Variants in NMU observed in about 807,000 individuals in gnomAD.
NMU encodes neuromedin U, also known as neuromedin-U.
In NMU, 29 loss-of-function variants were observed where a neutral mutation model predicts 35.4. The observed-to-expected ratio is 0.82, with a 90% CI of 0.61 to 1.12. The LOEUF (loss-of-function observed/expected upper bound fraction) is 1.12. NMU is among the 50% of genes most tolerant of loss of function. The pLI is 0.00. For synonymous variants in NMU, 78 were observed against 81.3 expected, an observed-to-expected ratio of 0.96 and a Z score of 0.22; for missense variants, 199 against 206.2, an observed-to-expected ratio of 0.97 and a Z score of 0.21.
intron 6 of NMU, 84 bp downstream of exon 6, chr4:55,607,214 G>T: frequency 3.2e-6 from 3 of 944,830 alleles, no homozygotes; most frequent in South Asian, 1.4e-5. Context: ...TTTGAATTCT[G>T]ATCTAGCTCT....
intron 2 of NMU, among the ~76,000 whole-genome samples, chr4:55,625,396 T>C (rs1486098790): frequency 7.2e-5 from 11 of 152,162 alleles, no homozygotes; most frequent in Non-Finnish European, 1.6e-4. Flanking sequence ...TACATTAATA[T>C]CTGTTATCTA....
rs1734138899 is a variant in NMU at position 55,617,138 on chromosome 4, A to G, written c.172-753T>C. ...TACTGATTCTTGTCTCTCTGGAATG[A>G]TAGAGGTTGAGTCCTATTCATGGTA... On this transcript the variant is annotated intron_variant, in intron 2 of 9. Transcript: ENST00000264218. Among the ~76,000 whole-genome samples, 7 of 152,132 alleles carry G rather than the reference A, an allele frequency of 4.6e-5. No homozygotes were observed. In the South Asian group the frequency reaches 1.5e-3, roughly 32 times the overall value.
At chr4:55,610,981 A>G (rs571513817) in intron 3 of NMU, among the ~76,000 whole-genome samples, 3 of 152,364 alleles carry the variant, frequency 2.0e-5, no homozygotes, top group African/African-American at 7.2e-5. Context: ...GAATGAGGAT[A>G]TAAAGAAAGA....
intron 9 of NMU, among the ~76,000 whole-genome samples, chr4:55,596,160 TTA>T (rs915315102): frequency 2.0e-5 from 3 of 152,156 alleles, no homozygotes; most frequent in Admixed American, 6.6e-5. Flanking sequence ...TCATTCTATT[TTA>T]TGTTTAACCA....
intron 2 of NMU, 33 bp downstream of exon 2, chr4:55,630,369 T>A (rs768220578): frequency 2.0e-6 from 3 of 1,522,448 alleles, no homozygotes. Flanking sequence ...AAGGGTAAAG[T>A]TTCTACAAAT....
intron 2 of NMU, among the ~76,000 whole-genome samples, chr4:55,626,480 G>C (rs1209891628): frequency 3.3e-5 from 5 of 152,186 alleles, no homozygotes; most frequent in African/African-American, 1.2e-4. Context: ...CAAGGTGGGC[G>C]GATCACTTGA....
chr4:55,618,884 CTT>C (rs775458324), intron 2 of NMU, among the ~76,000 whole-genome samples: 20 of 127,808 alleles, frequency 1.6e-4, no homozygotes, highest in Non-Finnish European at 2.0e-4. Flanking sequence ...TTCTCTCTTT[CTT>C]TTTTTTTTTT....
intron 1 of NMU, among the ~76,000 whole-genome samples, chr4:55,633,311 C>T (rs1478872409): frequency 2.1e-5 from 3 of 145,820 alleles, no homozygotes; most frequent in Admixed American, 1.4e-4. Flanking sequence ...GGCAACAGAT[C>T]GAGATTCTGT....
intron 2 of NMU, among the ~76,000 whole-genome samples, chr4:55,624,237 C>T: frequency 1.1e-5 from 1 of 90,674 alleles, no homozygotes; most frequent in East Asian, 4.1e-4. Flanking sequence ...AGGCAACCTA[C>T]AACATGGGAG....
intron 9 of NMU, among the ~76,000 whole-genome samples, chr4:55,595,623 G>GTATA (rs150284330): frequency 8.4e-4 from 86 of 102,094 alleles, no homozygotes; most frequent in South Asian, 1.2e-3. Flanking sequence ...GTGTGTGTGT[G>GTATA]TATATATATA....
chr4:55,605,285 A>G lies in NMU; in HGVS notation c.425T>C (p.Phe142Ser). ...GTTTGTATTACATACGTCCACTCTG[A>G]ATCTCTTCATTCTTCTCTCATGCAG... ...PHLHERRMKR[F>S]RVDEEFQSPF... The change falls in exon 7 of 10, where the codon TTC (phenylalanine) becomes TCC (serine). Residue 142 changes from phenylalanine (F) to serine (S), a missense_variant. Phe to Ser is a radical substitution (Grantham distance 155). Coordinates refer to ENST00000264218, the MANE Select transcript of NMU (RefSeq NM_006681.4). 6.2e-7 allele frequency: 1 copy of G among 1,611,848 alleles called. No individual in the cohort carries two copies. The highest frequency in any genetic ancestry group is 8.5e-7 in the Non-Finnish European group (1 of 1,177,876).
intron 4 of NMU, among the ~76,000 whole-genome samples, chr4:55,608,765 G>A (rs931323386): frequency 6.6e-6 from 1 of 150,506 alleles, no homozygotes; most frequent in Non-Finnish European, 1.5e-5. Context: ...CCTGACCTTT[G>A]AACCATAAGA....
chr4:55,597,534 AATTTTGT>A (rs1451520732), intron 9 of NMU, among the ~76,000 whole-genome samples: 1 of 151,910 alleles, frequency 6.6e-6, no homozygotes, highest in Non-Finnish European at 1.5e-5. Context: ...ACACCAGGCT[AATTTTGT>A]ATTTTTAGGA....
At chr4:55,596,732 T>A (rs1287579137) in intron 9 of NMU, among the ~76,000 whole-genome samples, 1 of 152,202 alleles carries the variant, frequency 6.6e-6, no homozygotes, top group Non-Finnish European at 1.5e-5. Flanking sequence ...TCCTTCGCTT[T>A]TCCACTATTT....
chr4:55,625,551 T>G (rs976716702), intron 2 of NMU, among the ~76,000 whole-genome samples: 15 of 152,182 alleles, frequency 9.9e-5, no homozygotes, highest in African/African-American at 3.4e-4. Context: ...TCTTTTCCCT[T>G]ATGTATTTTG....
chr4:55,624,100 T>C (rs989112463), intron 2 of NMU, among the ~76,000 whole-genome samples: 10 of 149,272 alleles, frequency 6.7e-5, no homozygotes, highest in East Asian at 3.9e-4. Flanking sequence ...ATTCAGGACA[T>C]AGGCATGGGC....
chr4:55,612,758 C>G lies in NMU; in HGVS notation c.220-3579G>C, dbSNP rs577934699. Reference sequence around the variant, plus strand: ...CCCTTTACAAGAAGCCAATTCTCAACTATTCTTCAAGGATTTAAATACATG... The same window carrying G: ...CCCTTTACAAGAAGCCAATTCTCAAGTATTCTTCAAGGATTTAAATACATG... On this transcript the variant is annotated intron_variant, in intron 3 of 9. Transcript: ENST00000264218. 1.3e-5 allele frequency among the ~76,000 whole-genome samples: 2 copies of G among 152,182 alleles called. 1 individual carries two copies. The highest frequency in any genetic ancestry group is 4.1e-4 in the South Asian group (2 of 4,834).
At chr4:55,603,474 C>G (rs563438723) in intron 7 of NMU, among the ~76,000 whole-genome samples, 17 of 152,100 alleles carry the variant, frequency 1.1e-4, no homozygotes, top group African/African-American at 4.1e-4. Flanking sequence ...TGGGGAAACT[C>G]CTTCAACTAT....
At chr4:55,607,123 T>C (rs555222584) in intron 6 of NMU, among the ~76,000 whole-genome samples, 175 bp downstream of exon 6, 3 of 152,352 alleles carry the variant, frequency 2.0e-5, no homozygotes, top group South Asian at 2.1e-4. Context: ...CAGGTAGTAA[T>C]TGACATATAA....
Sources: allele counts gnomAD v4.1 joint callset (sites outside exome capture counted in the v4.1 genomes callset), GRCh38; gene constraint gnomAD v4.1.1; transcripts MANE v1.5; gene names NCBI Gene and HGNC (gene_info 2026-07-23, HGNC 2026-07-21).